Variants in TXNDC15 observed in about 807,000 individuals in gnomAD.
The protein encoded by TXNDC15 is thioredoxin domain-containing protein 15.
Under a neutral mutation model 35.0 loss-of-function variants are expected in TXNDC15, and 24 were observed. The ratio of observed to expected loss-of-function variants is 0.68; its 90% CI spans 0.50 to 0.96. TXNDC15 has a LOEUF of 0.96. TXNDC15 is among the 40% of genes least tolerant of loss of function. The probability of loss-of-function intolerance (pLI) is 0.00; values close to 1 mark genes in which losing one functional copy is unlikely to be tolerated. For missense variants in TXNDC15, 385 were observed against 453.3 expected (o/e 0.85, Z 1.37); for synonymous variants, 169 against 174.0 (o/e 0.97, Z 0.23).
At chr5:134,883,191 C>G (rs1750195049) in intron 1 of TXNDC15, among the ~76,000 whole-genome samples, 1 of 151,892 alleles carries the variant, frequency 6.6e-6, no homozygotes, top group Non-Finnish European at 1.5e-5. Context: ...CTTTGGGAGG[C>G]CAAGGTGGGT....
At chr5:134,893,448 T>A (rs1427687625) in intron 2 of TXNDC15, 44 bp from the exon 3 acceptor site, 1 of 1,608,150 alleles carries the variant, frequency 6.2e-7, no homozygotes, top group African/African-American at 1.3e-5. Context: ...TTCAGAAAAA[T>A]GTACTTTTAC....
intron 4 of TXNDC15, among the ~76,000 whole-genome samples, chr5:134,899,042 A>T (rs1304298084): frequency 6.6e-6 from 1 of 151,950 alleles, no homozygotes; most frequent in Non-Finnish European, 1.5e-5. Flanking sequence ...GCACCACTGC[A>T]CTCCAGCCTG....
intron 1 of TXNDC15, among the ~76,000 whole-genome samples, chr5:134,881,171 T>TTTATTTA (rs147307343): frequency 1.6e-5 from 2 of 124,314 alleles, no homozygotes; most frequent in African/African-American, 6.3e-5. Context: ...GATAGGTTCT[T>TTTATTTA]TTTATTTATT....
rs370161011 is a variant in TXNDC15 at position 134,874,386 on chromosome 5, C to G, written c.-42C>G. On this transcript the variant is annotated 5_prime_UTR_variant, in exon 1 of 5. Transcript: ENST00000358387. ...CCCAGCCTTCCTCCGGCTGGCAGCA[C>G]GACTCGCGTAGCCGTGCGCCGATTG... 3.9e-6 allele frequency: 6 copies of G among 1,521,666 alleles called. No individual in the cohort carries two copies. Among genetic ancestry groups the G allele is most frequent in the Admixed American group, 3.8e-5 (2 of 52,650 alleles). The allele number at this position is 1,521,666 out of a possible 1,614,324, so 94.3% of individuals were successfully genotyped here. A position where few individuals can be genotyped will look rare whatever the true frequency, so the allele number is the denominator to read the frequency against.
chr5:134,876,912 A>G (rs144287588), intron 1 of TXNDC15, among the ~76,000 whole-genome samples: 19 of 152,154 alleles, frequency 1.2e-4, no homozygotes, highest in Non-Finnish European at 2.2e-4. Context: ...TCAGCTAGCA[A>G]ATTCTTACTG....
In TXNDC15 at chr5:134,901,556, G is replaced by T. The variant is rs934925394; in HGVS notation, c.*1871G>T. On this transcript the variant is annotated 3_prime_UTR_variant, in exon 5 of 5. Transcript: ENST00000358387. ...TATATTGAGTTATTACTGTGTGAGT[G>T]CCAAGTACTGTTTTAGATGCTTTAC... The T allele has an allele frequency of 3.3e-5, 5 of 152,184 alleles. No homozygotes were observed. The allele number at this position is 152,184 out of a possible 1,614,324, so 9.4% of individuals were successfully genotyped here.
chr5:134,892,441 T>C (rs947507563), intron 2 of TXNDC15: 1 of 152,254 alleles, frequency 6.6e-6, no homozygotes, highest in African/African-American at 2.4e-5. Context: ...ATTTTCTCCA[T>C]ATGAGCAATA....
intron 2 of TXNDC15, among the ~76,000 whole-genome samples, chr5:134,891,520 T>C (rs377044382): frequency 2.0e-5 from 3 of 152,316 alleles, no homozygotes; most frequent in East Asian, 3.9e-4. Context: ...CAGGAAACCA[T>C]GCTGTAAACA....
At chr5:134,898,153 T>C (rs1260093594) in intron 4 of TXNDC15, among the ~76,000 whole-genome samples, 1 of 152,242 alleles carries the variant, frequency 6.6e-6, no homozygotes, top group African/African-American at 2.4e-5. Context: ...GACTTCATAT[T>C]AATGGAGACA....
chr5:134,878,172 A>G (rs904763636), intron 1 of TXNDC15, among the ~76,000 whole-genome samples: 3 of 152,200 alleles, frequency 2.0e-5, no homozygotes, highest in African/African-American at 7.2e-5. Flanking sequence ...TTGGCCTCCC[A>G]AAGTGTTAGG....
chr5:134,893,749 G>C (rs146184110), intron 3 of TXNDC15, 94 bp downstream of exon 3: 30 of 1,518,412 alleles, frequency 2.0e-5, no homozygotes, highest in Middle Eastern at 4.6e-4. Context: ...GCAGAAGAGG[G>C]GGGGCATGAA....
intron 1 of TXNDC15, among the ~76,000 whole-genome samples, chr5:134,875,694 G>C (rs1431324737): frequency 6.7e-6 from 1 of 149,940 alleles, no homozygotes; most frequent in African/African-American, 2.5e-5. Context: ...TTTTGAGATG[G>C]AGTCTCGCTC....
chr5:134,874,260 G>A, upstream of TXNDC15: 2 of 576,416 alleles, frequency 3.5e-6, no homozygotes, highest in Non-Finnish European at 6.0e-6. Context: ...GACGGCCAGC[G>A]GCTAGAGGCC....
In TXNDC15 at chr5:134,888,101, G is replaced by A. The variant is rs1379011866; in HGVS notation, c.510G>A (p.Leu170=). Reference sequence around the variant, plus strand: ...AGGACTCCAATAACACTGAAAGTCTGAAATCCCCAAAGGTGAACTGTGAGG... The same window carrying A: ...AGGACTCCAATAACACTGAAAGTCTAAAATCCCCAAAGGTGAACTGTGAGG... ...PTEDSNNTES[L]KSPKVNCEER... Residue 170 remains leucine, a synonymous_variant, in exon 2 of 5, where the codon CTG becomes CTA. Coordinates refer to ENST00000358387, the MANE Select transcript of TXNDC15 (RefSeq NM_024715.4). 1 of 1,614,070 alleles carries A rather than the reference G, an allele frequency of 6.2e-7. No homozygotes were observed. Among genetic ancestry groups the A allele is most frequent in the Non-Finnish European group, 8.5e-7 (1 of 1,180,048 alleles).
chr5:134,876,045 A>G (rs1750026785), intron 1 of TXNDC15, among the ~76,000 whole-genome samples: 1 of 152,234 alleles, frequency 6.6e-6, no homozygotes, highest in African/African-American at 2.4e-5. Context: ...CTCAGAGCCA[A>G]TAAGTCCTTT....
intron 2 of TXNDC15, chr5:134,892,741 T>C (rs1263997514): frequency 6.6e-6 from 1 of 152,216 alleles, no homozygotes; most frequent in Non-Finnish European, 1.5e-5. Flanking sequence ...AACTCTTCCT[T>C]TCACTTAAAC....
chr5:134,876,094 C>T (rs1343847539), intron 1 of TXNDC15, among the ~76,000 whole-genome samples: 2 of 152,226 alleles, frequency 1.3e-5, no homozygotes, highest in South Asian at 2.1e-4. Flanking sequence ...AGCCTTGATT[C>T]AAGCCCATGT....
At position 134,874,454 on chromosome 5, in the gene TXNDC15, G is replaced by T. The variant is rs145492234; in HGVS notation, c.27G>T (p.Pro9=). 79 of 1,604,036 alleles carry T rather than the reference G, an allele frequency of 4.9e-5. No individual in the cohort carries two copies. In the African/African-American group the frequency reaches 1.0e-3, roughly 21 times the overall value. ...TGGTCCCGGCTGCCGGTCGACGACC[G>T]CCCCGCGTCATGCGGCTCCTCGGCT... MVPAAGRR[P]PRVMRLLGWW... The change falls in exon 1 of 5, where the codon CCG becomes CCT. Residue 9 remains proline, a synonymous_variant. Transcript: ENST00000358387.
intron 1 of TXNDC15, among the ~76,000 whole-genome samples, chr5:134,886,714 TG>T (rs1300734752): frequency 6.6e-6 from 1 of 152,250 alleles, no homozygotes; most frequent in African/African-American, 2.4e-5. Flanking sequence ...AAGGAGCTGC[TG>T]TGTGGCTTGA....
Sources: allele counts gnomAD v4.1 joint callset (sites outside exome capture counted in the v4.1 genomes callset), GRCh38; gene constraint gnomAD v4.1.1; transcripts MANE v1.5; gene names NCBI Gene and HGNC (gene_info 2026-07-23, HGNC 2026-07-21).